ASDURF: variants seen among roughly 807,000 people sequenced by gnomAD.
ASDURF encodes the protein ASDURF protein.
A neutral mutation model predicts 3.3 loss-of-function variants in ASDURF; 3 were observed. That is an observed-to-expected ratio of 0.92 (90% CI 0.42 to 2.37). The LOEUF (loss-of-function observed/expected upper bound fraction) is 2.37. ASDURF is among the 30% of genes most tolerant of loss of function. The pLI is 0.05. For missense variants in ASDURF, 23 were observed against 25.4 expected (o/e 0.90, Z 0.21); for synonymous variants, 11 against 8.3 (o/e 1.32, Z -0.55).
chr2:189,665,612 A>ATG (rs2032776844), intron 3 of ASDURF, among the ~76,000 whole-genome samples, 161 bp downstream of exon 3: 1 of 32,824 alleles, frequency 3.0e-5, no homozygotes, highest in African/African-American at 7.3e-5. Context: ...ATATATATAT[A>ATG]TATATATATA....
At chr2:189,663,239 A>T (rs28733124) in intron 1 of ASDURF, among the ~76,000 whole-genome samples, 22,668 of 146,262 alleles carry the variant, frequency 0.15, 2,929 homozygotes, top group African/African-American at 0.37. Flanking sequence ...ATATATATAT[A>T]TTTTTTAAAT....
chr2:189,662,789 A>G (rs1036802887), intron 1 of ASDURF, among the ~76,000 whole-genome samples: 1 of 152,054 alleles, frequency 6.6e-6, no homozygotes, highest in Admixed American at 6.5e-5. Context: ...TCCCCTACAA[A>G]TAAATGAAGC....
rs139056037 is a variant in ASDURF, at chr2:189,663,626, G to A, written c.91-275G>A. Reference sequence around the variant, plus strand: ...ACTGTAGTCCTTGGCATGATTGCTGGTTATGAACACGAAAATCCCTGTCTG... The same window carrying A: ...ACTGTAGTCCTTGGCATGATTGCTGATTATGAACACGAAAATCCCTGTCTG... On this transcript the variant is annotated intron_variant, in intron 1 of 3. Coordinates refer to ENST00000607829, the MANE Select transcript of ASDURF (RefSeq NM_001353493.2). Among the ~76,000 whole-genome samples the A allele has an allele frequency of 3.5e-3, 531 of 152,288 alleles. 5 individuals are homozygous for A. Among genetic ancestry groups the A allele is most frequent in the Non-Finnish European group, 5.8e-3 (394 of 68,016 alleles).
At chr2:189,665,598 G>GTGTA (rs2032772318) in intron 3 of ASDURF, 147 bp downstream of exon 3, 3 of 14,634 alleles carry the variant, frequency 2.1e-4, no homozygotes, top group Non-Finnish European at 4.5e-4. Flanking sequence ...ATATATATGT[G>GTGTA]TATATATATA....
chr2:189,663,453 A>T (rs2032716907), intron 1 of ASDURF, among the ~76,000 whole-genome samples: 2 of 152,112 alleles, frequency 1.3e-5, no homozygotes, highest in East Asian at 3.9e-4. Flanking sequence ...GGGTGTCTGC[A>T]TGTTGGTCAG....
At chr2:189,665,628 ATATATATATATATATATAT>A in intron 3 of ASDURF, among the ~76,000 whole-genome samples, 177 bp downstream of exon 3, 1 of 124,444 alleles carries the variant, frequency 8.0e-6, no homozygotes, top group Non-Finnish European at 1.7e-5. Context: ...ATATATATAT[ATATATATATATATATATAT>A]TATAAATGTT....
intron 2 of ASDURF, among the ~76,000 whole-genome samples, chr2:189,664,270 C>T (rs4667297): frequency 0.63 from 95,437 of 151,962 alleles, 32,111 homozygotes; most frequent in South Asian, 0.76. Flanking sequence ...TTGATATAAA[C>T]GAACTTTATA....
At chr2:189,664,799 G>A (rs1232699128) in intron 2 of ASDURF, among the ~76,000 whole-genome samples, 1 of 145,564 alleles carries the variant, frequency 6.9e-6, no homozygotes, top group African/African-American at 2.5e-5. Context: ...TCTCTAGAGG[G>A]CAAATTGGCA....
At chr2:189,663,613 G>A (rs80300277) in intron 1 of ASDURF, among the ~76,000 whole-genome samples, 1,586 of 152,266 alleles carry the variant, frequency 0.01, 34 homozygotes, top group African/African-American at 0.036. Context: ...TGTAGTCCTT[G>A]GCATGATTGC....
At position 189,665,644 on chromosome 2, in the gene ASDURF, A is replaced by ATG. The variant is rs1553502085; in HGVS notation, c.220+194_220+195insGT. On this transcript the variant is annotated intron_variant, in intron 3 of 3. Transcript: ENST00000607829. ...TATATATATATATATATATATATAT[A>ATG]TATTATAAATGTTTTAGAAAGCAAT... Among the ~76,000 whole-genome samples the ATG allele has an allele frequency of 3.6e-4, 44 of 123,742 alleles. 1 individual carries two copies. The highest frequency in any genetic ancestry group is 2.4e-3 in the East Asian group (10 of 4,174). 81.2% of individuals were successfully genotyped at this position (123,742 alleles called of 152,430 possible).
At position 189,666,231 on chromosome 2, in the gene ASDURF, T is replaced by A; in HGVS notation, c.*120T>A. The A allele has an allele frequency of 6.2e-7, 1 of 1,614,106 alleles. No homozygotes were observed. Among genetic ancestry groups the A allele is most frequent in the Non-Finnish European group, 8.5e-7 (1 of 1,179,982 alleles). On this transcript the variant is annotated 3_prime_UTR_variant, in exon 4 of 4. Coordinates refer to ENST00000607829, the MANE Select transcript of ASDURF (RefSeq NM_001353493.2). ...ATAATCTTAAACAGCGGGGACCCAA[T>A]AGTAGTAAACAATTGTTAAAGTCTG... is the stretch of plus-strand genomic sequence containing the variant.
intron 1 of ASDURF, among the ~76,000 whole-genome samples, chr2:189,661,994 C>T (rs994198897): frequency 2.0e-5 from 3 of 152,192 alleles, no homozygotes; most frequent in Non-Finnish European, 4.4e-5. Flanking sequence ...ATCATGGAAG[C>T]CTATCAGTTC....
At chr2:189,662,048 A>G (rs138125876) in intron 1 of ASDURF, among the ~76,000 whole-genome samples, 1 of 152,110 alleles carries the variant, frequency 6.6e-6, no homozygotes, top group Non-Finnish European at 1.5e-5. Flanking sequence ...ATCACCGTGA[A>G]CACTCTTACC....
chr2:189,664,946 G>A (rs1454750027), intron 2 of ASDURF, among the ~76,000 whole-genome samples: 4 of 152,152 alleles, frequency 2.6e-5, no homozygotes, highest in Non-Finnish European at 2.9e-5. Flanking sequence ...ATTTACAATA[G>A]CAAAGAGATG....
At position 189,664,783 on chromosome 2, in the gene ASDURF, A is replaced by G. The variant is rs570741861; in HGVS notation, c.145-593A>G. Among the ~76,000 whole-genome samples, 10 of 151,702 alleles carry G rather than the reference A, an allele frequency of 6.6e-5. No individual in the cohort carries two copies. In the East Asian group the frequency reaches 1.9e-3, roughly 29 times the overall value. On this transcript the variant is annotated intron_variant, in intron 2 of 3. Coordinates refer to ENST00000607829, the MANE Select transcript of ASDURF (RefSeq NM_001353493.2). ...AAAGAAGTTGAGGCAGAATTAATACAGACTTTCTCTAGAGGGCAAATTGGC... is the reference window on the plus strand; with the variant it reads ...AAAGAAGTTGAGGCAGAATTAATACGGACTTTCTCTAGAGGGCAAATTGGC...
At chr2:189,662,377 T>G (rs2032687976) in intron 1 of ASDURF, among the ~76,000 whole-genome samples, 1 of 152,216 alleles carries the variant, frequency 6.6e-6, no homozygotes, top group African/African-American at 2.4e-5. Context: ...GGCAAGTCTC[T>G]TTAATCTTTC....
In ASDURF at chr2:189,661,607, C is replaced by T. The variant is rs187165993; in HGVS notation, c.87C>T (p.Ser29=). The T allele has an allele frequency of 7.9e-3, 3,174 of 399,366 alleles. 25 individuals are homozygous for T. The highest frequency in any genetic ancestry group is 9.3e-3 in the Non-Finnish European group (2,112 of 226,308). The allele number at this position is 399,366 out of a possible 1,614,324, so 24.7% of individuals were successfully genotyped here. The change falls in exon 1 of 4, where the codon AGC becomes AGT. Residue 29 remains serine, a synonymous_variant. Coordinates refer to ENST00000607829, the MANE Select transcript of ASDURF (RefSeq NM_001353493.2). The part of the protein sequence containing the change: ...NSTPHKEDLS[S]KIKEQKIVVD... The stretch of plus-strand genomic sequence containing the variant: ...CCCCACACAAGGAGGATCTAAGCAG[C>T]AAGGTGAGTGTGAGACGCGACGAAA...
chr2:189,665,479 G>A, intron 3 of ASDURF, 28 bp downstream of exon 3: 2 of 394,954 alleles, frequency 5.1e-6, no homozygotes, highest in Non-Finnish European at 4.5e-6. Flanking sequence ...TGGGGTTTTT[G>A]GGGGGTGCCT....
At chr2:189,661,799 AG>A (rs2032671253) in intron 1 of ASDURF, among the ~76,000 whole-genome samples, 189 bp downstream of exon 1, 1 of 152,206 alleles carries the variant, frequency 6.6e-6, no homozygotes, top group South Asian at 2.1e-4. Context: ...AGTTGCGAAA[AG>A]GGAGATCTTG....
Sources: gnomAD v4.1 joint callset for allele counts (sites outside exome capture counted in the v4.1 genomes callset) on GRCh38, gnomAD v4.1.1 for gene constraint, MANE v1.5 for transcripts, NCBI Gene and HGNC (gene_info 2026-07-23, HGNC 2026-07-21) for gene names.